Variants in SESN1 observed in about 807,000 individuals in gnomAD.
SESN1 encodes the protein sestrin-1.
A neutral mutation model predicts 59.3 loss-of-function variants in SESN1; 30 were observed. The observed-to-expected ratio is 0.51, with a 90% CI of 0.38 to 0.69. The LOEUF (loss-of-function observed/expected upper bound fraction) is 0.69. Ranked by LOEUF, SESN1 falls within the 30% of genes least tolerant of loss-of-function variation. The probability of loss-of-function intolerance (pLI) is 0.00; values close to 1 mark genes in which losing one functional copy is unlikely to be tolerated. For synonymous variants in SESN1, 197 were observed against 219.9 expected (o/e 0.90, Z 0.92); for missense variants, 566 against 673.0 (o/e 0.84, Z 1.76).
chr6:108,992,889 T>A lies in SESN1; in HGVS notation c.1131A>T (p.Glu377Asp), dbSNP rs772548122. ...SMFVFSSDDE[E>D]VTPARAVSRH... ...GAGATACAGCTCTTGCTGGTGTAAC[T>A]TCTTCATCATCTGGGAAAAAAGGCC... is the stretch of plus-strand genomic sequence containing the variant. Residue 377 changes from glutamate to aspartate, a missense_variant, in exon 7 of 10, where the codon GAA becomes GAT. Physicochemically the swap from Glu to Asp is conservative, Grantham distance 45. Coordinates refer to ENST00000436639, the MANE Select transcript of SESN1 (RefSeq NM_014454.3). The A allele has an allele frequency of 2.5e-6, 4 of 1,602,526 alleles. No homozygotes were observed. The Admixed American group carries it at 5.1e-5, about 20-fold the overall frequency.
chr6:109,054,422 A>G (rs1488997186), intron 1 of SESN1, among the ~76,000 whole-genome samples: 1 of 152,184 alleles, frequency 6.6e-6, no homozygotes, highest in Non-Finnish European at 1.5e-5. Flanking sequence ...TACAGTAAAG[A>G]ATTCCTTTAG....
intron 1 of SESN1, among the ~76,000 whole-genome samples, chr6:109,069,759 TG>T (rs1452709908): frequency 6.6e-6 from 1 of 152,088 alleles, no homozygotes. Context: ...GGTCTCACTA[TG>T]TTTCCCAGGC....
chr6:109,054,717 C>T (rs1780600763), intron 1 of SESN1, among the ~76,000 whole-genome samples: 3 of 152,012 alleles, frequency 2.0e-5, no homozygotes, highest in African/African-American at 7.2e-5. Flanking sequence ...CTATTTTTGT[C>T]TTTTGCTTTT....
intron 1 of SESN1, among the ~76,000 whole-genome samples, chr6:109,042,687 T>C (rs1467372784): frequency 6.6e-6 from 1 of 152,022 alleles, no homozygotes; most frequent in Non-Finnish European, 1.5e-5. Flanking sequence ...AATAGCCCTA[T>C]TGCTATTAAG....
At chr6:109,028,883 AATGGTAC>A (rs746518557) in intron 1 of SESN1, among the ~76,000 whole-genome samples, 22 of 152,190 alleles carry the variant, frequency 1.4e-4, no homozygotes, top group Non-Finnish European at 2.8e-4. Context: ...GAAATGAAAA[AATGGTAC>A]AGGATTGCGC....
At chr6:109,032,519 G>C (rs1780196663) in intron 1 of SESN1, among the ~76,000 whole-genome samples, 1 of 151,918 alleles carries the variant, frequency 6.6e-6, no homozygotes, top group African/African-American at 2.4e-5. Context: ...TGGGGAGGCT[G>C]AGGCAGGAGA....
At chr6:109,076,604 C>T (rs1781036249) in intron 1 of SESN1, among the ~76,000 whole-genome samples, 1 of 151,834 alleles carries the variant, frequency 6.6e-6, no homozygotes, top group African/African-American at 2.4e-5. Context: ...TAAAAGGGGG[C>T]CACAAAAAGG....
rs764931458 is a variant in SESN1, at chr6:109,001,297, A to G, written c.537T>C (p.Ile179=). ...CTGAATGTTTACAAACCATTATTCC[A>G]ATGTAGTGACGATAATGTAGGGGTA... ...GPLPLHYRHY[I]GIMAAARHQC... Residue 179 remains isoleucine, a synonymous_variant, in exon 3 of 10, where the codon ATT becomes ATC. Transcript: ENST00000436639. The G allele has an allele frequency of 1.5e-5, 24 of 1,613,298 alleles. No homozygotes were observed. The highest frequency in any genetic ancestry group is 1.6e-4 in the Middle Eastern group (1 of 6,070).
intron 1 of SESN1, among the ~76,000 whole-genome samples, chr6:109,081,679 T>A (rs1461005124): frequency 6.6e-6 from 1 of 151,898 alleles, no homozygotes; most frequent in Non-Finnish European, 1.5e-5. Flanking sequence ...CCTCTGCCCC[T>A]CCCCTCCCAT....
chr6:108,993,030 CA>C, intron 6 of SESN1, 131 bp from the exon 7 acceptor site: 8 of 606,324 alleles, frequency 1.3e-5, no homozygotes. Flanking sequence ...AGTAGTCTTA[CA>C]ATTATACAAA....
At chr6:109,065,733 C>A (rs1299696599) in intron 1 of SESN1, among the ~76,000 whole-genome samples, 1 of 151,860 alleles carries the variant, frequency 6.6e-6, no homozygotes, top group Non-Finnish European at 1.5e-5. Context: ...TTGTAATATT[C>A]TTGGTGTCTT....
intron 1 of SESN1, among the ~76,000 whole-genome samples, chr6:109,008,541 A>G (rs1402847222): frequency 6.6e-6 from 1 of 152,230 alleles, no homozygotes; most frequent in Non-Finnish European, 1.5e-5. Flanking sequence ...TCCATTAAAG[A>G]AATCACGAAA....
chr6:109,065,561 C>G (rs1472681601), intron 1 of SESN1, among the ~76,000 whole-genome samples: 1 of 151,824 alleles, frequency 6.6e-6, no homozygotes, highest in East Asian at 1.9e-4. Flanking sequence ...CTTAAATAGC[C>G]TCAAATGTGT....
chr6:108,989,424 G>T (rs1232921438), intron 8 of SESN1, among the ~76,000 whole-genome samples: 9 of 149,516 alleles, frequency 6.0e-5, no homozygotes, highest in African/African-American at 2.2e-4. Flanking sequence ...TAGATCTAGA[G>T]ATATATATCT....
At chr6:109,063,363 A>C (rs2114456994) in intron 1 of SESN1, among the ~76,000 whole-genome samples, 2 of 152,338 alleles carry the variant, frequency 1.3e-5, no homozygotes, top group South Asian at 4.1e-4. Flanking sequence ...GGGGAAGGCC[A>C]GTAGGCTGCA....
At chr6:109,009,036 C>A in intron 1 of SESN1, 1 of 984,816 alleles carries the variant, frequency 1.0e-6, no homozygotes, top group African/African-American at 1.7e-5. Context: ...GGAGACTTGT[C>A]CAGACGACAA....
At chr6:109,051,150 C>CAA (rs201275516) in intron 1 of SESN1, among the ~76,000 whole-genome samples, 25 of 146,348 alleles carry the variant, frequency 1.7e-4, no homozygotes, top group African/African-American at 5.7e-4. Context: ...CTCTTAAAAA[C>CAA]AAAAAAAAAC....
chr6:109,028,430 GA>G (rs1311504049), intron 1 of SESN1, among the ~76,000 whole-genome samples: 1 of 151,988 alleles, frequency 6.6e-6, no homozygotes, highest in Non-Finnish European at 1.5e-5. Flanking sequence ...TTATCACAGG[GA>G]CCAAATTTGA....
chr6:109,064,242 C>G (rs1296128939), intron 1 of SESN1, among the ~76,000 whole-genome samples: 2 of 151,936 alleles, frequency 1.3e-5, no homozygotes, highest in Admixed American at 1.3e-4. Context: ...ACAGCTATAC[C>G]CTTATGTTCC....
Sources: gnomAD v4.1 joint callset for allele counts (sites outside exome capture counted in the v4.1 genomes callset) on GRCh38, gnomAD v4.1.1 for gene constraint, MANE v1.5 for transcripts, NCBI Gene and HGNC (gene_info 2026-07-23, HGNC 2026-07-21) for gene names.